The following CCDC81 variants were observed in gnomAD, a reference collection of about 807,000 sequenced individuals.
The protein encoded by CCDC81 is coiled-coil domain-containing protein 81.
In CCDC81, 79 loss-of-function variants were observed where a neutral mutation model predicts 83.7. That is an observed-to-expected ratio of 0.94 (90% CI 0.79 to 1.14). CCDC81 has a LOEUF of 1.14. Ranked by LOEUF, CCDC81 falls within the 50% of genes most tolerant of loss-of-function variation. CCDC81 has a pLI of 0.00. For synonymous variants in CCDC81, 252 were observed against 278.1 expected (o/e 0.91, Z 0.93); for missense variants, 791 against 778.1 (o/e 1.02, Z -0.20).
At chr11:86,383,900 C>G (rs926292667) in intron 1 of CCDC81, among the ~76,000 whole-genome samples, 3 of 152,156 alleles carry the variant, frequency 2.0e-5, no homozygotes, top group Admixed American at 2.0e-4. Flanking sequence ...TAGTTCTGCT[C>G]TTATGTAATG....
chr11:86,401,632 T>C (rs1477370738), intron 7 of CCDC81, among the ~76,000 whole-genome samples: 2 of 152,136 alleles, frequency 1.3e-5, no homozygotes, highest in Admixed American at 1.3e-4. Flanking sequence ...CCAGGTAATA[T>C]TCTAGGCACT....
chr11:86,390,715 C>T (rs140040807), intron 3 of CCDC81, among the ~76,000 whole-genome samples: 2 of 151,924 alleles, frequency 1.3e-5, no homozygotes, highest in East Asian at 1.9e-4. Flanking sequence ...GGAAGGAAGG[C>T]GTTTAGTATG....
intron 14 of CCDC81, 86 bp from the exon 15 acceptor site, chr11:86,422,488 G>T: frequency 7.8e-7 from 1 of 1,279,342 alleles, no homozygotes; most frequent in Non-Finnish European, 1.1e-6. Context: ...CTTTTCTTTT[G>T]TGTACCTCCT....
chr11:86,401,911 C>T (rs938412947), intron 7 of CCDC81, among the ~76,000 whole-genome samples: 8 of 151,686 alleles, frequency 5.3e-5, no homozygotes, highest in African/African-American at 9.7e-5. Context: ...CCGAGGCAGG[C>T]GGATCACGAG....
intron 10 of CCDC81, among the ~76,000 whole-genome samples, chr11:86,411,043 G>A (rs2138534210): frequency 6.6e-6 from 1 of 152,224 alleles, no homozygotes. Flanking sequence ...CAGCCAAAGT[G>A]ATATTATAAT....
intron 5 of CCDC81, among the ~76,000 whole-genome samples, chr11:86,395,725 A>G (rs993071400): frequency 2.0e-5 from 3 of 152,114 alleles, no homozygotes; most frequent in Admixed American, 2.0e-4. Context: ...GGTTCAAGCA[A>G]TTCTCTCCTG....
Position 86,407,686 on chromosome 11 carries a change from TAAC to T in CCDC81, c.957_959del (p.Asn319del). The T allele has an allele frequency of 6.2e-7, 1 of 1,613,214 alleles. No individual in the cohort carries two copies. The highest frequency in any genetic ancestry group is 8.5e-7 in the Non-Finnish European group (1 of 1,179,350). Reference sequence around the variant, plus strand: ...AAACATCTCCAGCTTGCCAGGATCATAACAAGGCAGGACAGGTACAGTGTTTCC... The same window carrying T: ...AAACATCTCCAGCTTGCCAGGATCATAAGGCAGGACAGGTACAGTGTTTCC... On this transcript the variant is annotated inframe_deletion, in exon 8 of 15. Transcript: ENST00000445632.
At position 86,407,763 on chromosome 11, in the gene CCDC81, G is replaced by A. The variant is rs140935966; in HGVS notation, c.969+62G>A. ...CTTATACTGATTTTTGTTTCTCAAA[G>A]AGAGTTCTGGGAATCTCTCTTCCTT... On this transcript the variant is annotated intron_variant, in intron 8 of 14. Coordinates refer to ENST00000445632, the MANE Select transcript of CCDC81 (RefSeq NM_001156474.2). The A allele has an allele frequency of 2.8e-3, 3,513 of 1,263,044 alleles. 18 individuals carry two copies. Among genetic ancestry groups the A allele is most frequent in the Middle Eastern group, 0.018 (98 of 5,436 alleles). The allele number at this position is 1,263,044 out of a possible 1,614,324, so 78.2% of individuals were successfully genotyped here.
intron 9 of CCDC81, 22 bp from the exon 10 acceptor site, chr11:86,409,239 T>C: frequency 7.0e-6 from 3 of 428,428 alleles, no homozygotes; most frequent in Non-Finnish European, 6.9e-6. Context: ...AAAAATAAAC[T>C]TTTTTTTTTT....
rs758286050 is a variant in CCDC81, at chr11:86,397,727, G to C, written c.742G>C (p.Glu248Gln). Reference protein sequence around the residue: ...KCKLKDQSDKEEGTRDISSPK... With the variant: ...KCKLKDQSDKQEGTRDISSPK... ...CAAGTTAAAAGACCAGTCAGACAAA[G>C]AAGAAGGCACCAGAGGTAGGCCAAT... is the stretch of plus-strand genomic sequence containing the variant. The change falls in exon 6 of 15, where the codon GAA becomes CAA. Residue 248 changes from glutamate to glutamine, a missense_variant. Transcript: ENST00000445632. 6.2e-7 allele frequency: 1 copy of C among 1,613,484 alleles called. No homozygotes were observed. Among genetic ancestry groups the C allele is most frequent in the South Asian group, 1.1e-5 (1 of 90,958 alleles).
rs141858763 is a variant in CCDC81, at chr11:86,386,073, T to C, written c.102T>C (p.Asn34=). The C allele has an allele frequency of 4.7e-4, 710 of 1,524,598 alleles. 2 individuals carry two copies. In the African/African-American group the frequency reaches 9.2e-3, roughly 20 times the overall value. 94.4% of individuals were successfully genotyped at this position (1,524,598 alleles called of 1,614,324 possible). ...CAGAAGTCTCTATTATCTGGGGGAA[T>C]GTATCAGAATTTGTGAGACGGCAGT... The part of the protein sequence containing the change: ...SQEEVSIIWG[N]VSEFVRRQLT... Residue 34 remains asparagine (N), a synonymous_variant, in exon 2 of 15, where the codon AAT becomes AAC. Coordinates refer to ENST00000445632, the MANE Select transcript of CCDC81 (RefSeq NM_001156474.2).
intron 7 of CCDC81, among the ~76,000 whole-genome samples, chr11:86,406,904 T>C (rs1948573641): frequency 6.6e-6 from 1 of 152,192 alleles, no homozygotes; most frequent in Non-Finnish European, 1.5e-5. Flanking sequence ...AATGAATTAA[T>C]ACTAGTATTA....
chr11:86,419,945 C>G lies in CCDC81; in HGVS notation c.1709C>G (p.Thr570Ser), dbSNP rs981540042. The G allele has an allele frequency of 1.2e-6, 2 of 1,612,676 alleles. No individual in the cohort carries two copies. Among genetic ancestry groups the G allele is most frequent in the Non-Finnish European group, 1.7e-6 (2 of 1,179,388 alleles). ...RTQREHLADR[T>S]AELERVNRVN... ...CTCTCCAGGCACTTGGCAGACAGAACCGCTGAGCTGGAGCGAGTAAATAGA... is the reference window on the plus strand; with the variant it reads ...CTCTCCAGGCACTTGGCAGACAGAAGCGCTGAGCTGGAGCGAGTAAATAGA... The change falls in exon 14 of 15, where the codon ACC (threonine) becomes AGC (serine). Residue 570 changes from threonine (T) to serine (S), a missense_variant. Transcript: ENST00000445632.
chr11:86,407,597 T>C lies in CCDC81; in HGVS notation c.882-17T>C, dbSNP rs1007814121. On this transcript the variant is annotated splice_polypyrimidine_tract_variant and intron_variant, in intron 7 of 14. Coordinates refer to ENST00000445632, the MANE Select transcript of CCDC81 (RefSeq NM_001156474.2). ...AGATTGTATTAAACATTAATTAATG[T>C]TGCATTGTTTTTATAGCTTATCATA... The C allele has an allele frequency of 6.5e-7, 1 of 1,548,304 alleles. No individual in the cohort carries two copies. Among genetic ancestry groups the C allele is most frequent in the Non-Finnish European group, 8.9e-7 (1 of 1,122,658 alleles).
intron 1 of CCDC81, among the ~76,000 whole-genome samples, chr11:86,376,733 A>G (rs1948103546): frequency 6.6e-6 from 1 of 152,232 alleles, no homozygotes; most frequent in African/African-American, 2.4e-5. Context: ...ACACTTGGAT[A>G]GACTCTCCCA....
chr11:86,408,522 C>T (rs1171485433), intron 9 of CCDC81, among the ~76,000 whole-genome samples: 2 of 152,102 alleles, frequency 1.3e-5, no homozygotes, highest in African/African-American at 2.4e-5. Flanking sequence ...TTTGTAGAGA[C>T]AGGGTTTCAC....
chr11:86,402,003 T>C (rs1330718476), intron 7 of CCDC81, among the ~76,000 whole-genome samples: 4 of 151,460 alleles, frequency 2.6e-5, no homozygotes, highest in Non-Finnish European at 4.4e-5. Flanking sequence ...GGTGTGGTGG[T>C]GAGCGCCTGT....
At chr11:86,416,890 T>A (rs1948726923) in intron 13 of CCDC81, among the ~76,000 whole-genome samples, 1 of 152,156 alleles carries the variant, frequency 6.6e-6, no homozygotes, top group African/African-American at 2.4e-5. Flanking sequence ...TATTTATACT[T>A]GTTTTTTTTC....
At chr11:86,385,299 C>T (rs1452423460) in intron 1 of CCDC81, among the ~76,000 whole-genome samples, 2 of 151,970 alleles carry the variant, frequency 1.3e-5, no homozygotes, top group African/African-American at 4.8e-5. Flanking sequence ...GCAGGAGACT[C>T]GTTTGAACCC....
Sources: gnomAD v4.1 joint callset for allele counts (sites outside exome capture counted in the v4.1 genomes callset) on GRCh38, gnomAD v4.1.1 for gene constraint, MANE v1.5 for transcripts, NCBI Gene and HGNC (gene_info 2026-07-23, HGNC 2026-07-21) for gene names.